NRG1: variants seen among roughly 807,000 people sequenced by gnomAD.
NRG1 encodes the protein pro-neuregulin-1, membrane-bound isoform.
Under a neutral mutation model 63.8 loss-of-function variants are expected in NRG1, and 18 were observed. That is an observed-to-expected ratio of 0.28 (90% confidence interval 0.19 to 0.42). The LOEUF is 0.42. Ranked by LOEUF, NRG1 falls within the 10% of genes least tolerant of loss-of-function variation. NRG1 has a pLI of 1.00. For synonymous variants in NRG1, 302 were observed against 301.3 expected (o/e 1.00, Z -0.02); for missense variants, 762 against 814.7 (o/e 0.94, Z 0.79).
Position 32,587,188 on chromosome 8 carries a change from T to C in NRG1, c.101-8640T>C, listed in dbSNP as rs75380435. On this transcript the variant is annotated intron_variant, in intron 1 of 11. Transcript: ENST00000356819. ...CACATAACACCACTGCATTCTAGCC[T>C]GGGTGACAGAGTGAGACTCTGCCGC... Among the ~76,000 whole-genome samples, 723 of 151,764 alleles carry C rather than the reference T, an allele frequency of 4.8e-3. 3 individuals are homozygous for C. The highest frequency in any genetic ancestry group is 6.6e-3 in the Non-Finnish European group (449 of 67,950).
intron 5 of NRG1, among the ~76,000 whole-genome samples, chr8:32,617,901 G>C (rs1445222032): frequency 6.6e-6 from 1 of 152,126 alleles, no homozygotes; most frequent in Admixed American, 6.6e-5. Context: ...TACTAGAACT[G>C]TAACTATATG....
chr8:32,580,439 A>G (rs1460775055), intron 1 of NRG1, among the ~76,000 whole-genome samples: 1 of 152,206 alleles, frequency 6.6e-6, no homozygotes, highest in East Asian at 1.9e-4. Context: ...AACCTAAGTG[A>G]TAATATAAGA....
chr8:32,429,583 T>C (rs1297117703), intron 1 of NRG1, among the ~76,000 whole-genome samples: 2 of 152,200 alleles, frequency 1.3e-5, no homozygotes, highest in African/African-American at 4.8e-5. Flanking sequence ...CAAGAAGAAA[T>C]AATGCTTTGT....
At chr8:31,905,494 G>T (rs568103822) in intron 1 of NRG1, among the ~76,000 whole-genome samples, 1 of 152,244 alleles carries the variant, frequency 6.6e-6, no homozygotes, top group African/African-American at 2.4e-5. Context: ...GATTTGGAGG[G>T]TAGATACTTT....
At chr8:32,761,537 C>A (rs188763294) in intron 11 of NRG1, among the ~76,000 whole-genome samples, 1 of 151,128 alleles carries the variant, frequency 6.6e-6, no homozygotes, top group Non-Finnish European at 1.5e-5. Context: ...TAAGCTATTA[C>A]CTGTTTGTTT....
chr8:31,979,487 T>A (rs1007044194), intron 1 of NRG1, among the ~76,000 whole-genome samples: 1 of 152,150 alleles, frequency 6.6e-6, no homozygotes, highest in Non-Finnish European at 1.5e-5. Context: ...ACTTCCTATA[T>A]AAAATCTTAT....
intron 1 of NRG1, among the ~76,000 whole-genome samples, chr8:32,492,131 A>G (rs1217069369): frequency 1.3e-5 from 2 of 152,172 alleles, no homozygotes; most frequent in Admixed American, 6.5e-5. Flanking sequence ...AAAAAAGAAA[A>G]AAAAAAACAT....
chr8:32,231,283 T>A (rs1846909891), intron 1 of NRG1, among the ~76,000 whole-genome samples: 1 of 152,156 alleles, frequency 6.6e-6, no homozygotes, highest in African/African-American at 2.4e-5. Context: ...TTATCAAATT[T>A]GTGTGCTGTA....
chr8:32,748,276 G>C (rs539922603), intron 7 of NRG1, among the ~76,000 whole-genome samples: 45 of 151,354 alleles, frequency 3.0e-4, no homozygotes, highest in African/African-American at 9.9e-4. Context: ...CCATTGATAT[G>C]CTGTCTCTCC....
chr8:32,349,817 A>C (rs1805367772), intron 1 of NRG1, among the ~76,000 whole-genome samples: 1 of 152,212 alleles, frequency 6.6e-6, no homozygotes. Context: ...TGCTGGGCCC[A>C]TGCTGACATT....
chr8:31,708,233 A>C (rs1282299511), intron 1 of NRG1, among the ~76,000 whole-genome samples: 2 of 152,014 alleles, frequency 1.3e-5, no homozygotes, highest in Non-Finnish European at 2.9e-5. Context: ...GATACTTGCC[A>C]TTTCTTCCAC....
chr8:31,972,242 C>T (rs966183195), intron 1 of NRG1, among the ~76,000 whole-genome samples: 8 of 152,112 alleles, frequency 5.3e-5, no homozygotes, highest in Non-Finnish European at 1.2e-4. Flanking sequence ...AATGTGCCTC[C>T]CTCGACAGCC....
intron 1 of NRG1, among the ~76,000 whole-genome samples, chr8:31,930,353 G>T (rs1057403623): frequency 6.6e-6 from 1 of 152,144 alleles, no homozygotes; most frequent in South Asian, 2.1e-4. Flanking sequence ...TCTAATGGGG[G>T]CTAGAAACTC....
At chr8:31,707,662 C>A (rs1811282010) in intron 1 of NRG1, among the ~76,000 whole-genome samples, 1 of 152,052 alleles carries the variant, frequency 6.6e-6, no homozygotes, top group South Asian at 2.1e-4. Flanking sequence ...TCTAATGGTG[C>A]TTTAAATCAT....
At chr8:32,134,197 T>C (rs960489130) in intron 1 of NRG1, among the ~76,000 whole-genome samples, 1 of 152,140 alleles carries the variant, frequency 6.6e-6, no homozygotes, top group Non-Finnish European at 1.5e-5. Flanking sequence ...TTTTTTTAAA[T>C]ATATGAATGA....
chr8:32,087,616 G>T (rs1026992379), intron 1 of NRG1, among the ~76,000 whole-genome samples: 1 of 149,924 alleles, frequency 6.7e-6, no homozygotes, highest in Admixed American at 6.8e-5. Flanking sequence ...GACTACAGGT[G>T]CGTGTGCCCA....
chr8:32,069,900 G>A (rs74583423), intron 1 of NRG1, among the ~76,000 whole-genome samples: 4,650 of 152,138 alleles, frequency 0.031, 250 homozygotes, highest in African/African-American at 0.11. Context: ...GCAGTGTGGC[G>A]TGCCCACACA....
At chr8:32,447,147 G>A (rs1337861710) in intron 1 of NRG1, among the ~76,000 whole-genome samples, 3 of 151,590 alleles carry the variant, frequency 2.0e-5, no homozygotes, top group Admixed American at 1.3e-4. Flanking sequence ...AGCCTCCCAC[G>A]TAGCTGGGAT....
At chr8:31,849,003 T>C (rs187592634) in intron 1 of NRG1, among the ~76,000 whole-genome samples, 1 of 152,126 alleles carries the variant, frequency 6.6e-6, no homozygotes, top group Non-Finnish European at 1.5e-5. Flanking sequence ...TGCCAAAAAG[T>C]TGGGGATTGC....
Sources: allele counts gnomAD v4.1 joint callset (sites outside exome capture counted in the v4.1 genomes callset), GRCh38; gene constraint gnomAD v4.1.1; transcripts MANE v1.5; gene names NCBI Gene and HGNC (gene_info 2026-07-23, HGNC 2026-07-21).